The following PCDHGA4 variants were observed in gnomAD, a reference collection of about 807,000 sequenced individuals.
The protein encoded by PCDHGA4 is protocadherin gamma-A4.
A neutral mutation model predicts 54.6 loss-of-function variants in PCDHGA4; 38 were observed. The ratio of observed to expected loss-of-function variants is 0.70; its 90% CI spans 0.54 to 0.91. The LOEUF is 0.91. Ranked by LOEUF, PCDHGA4 falls within the 40% of genes least tolerant of loss-of-function variation. The probability of loss-of-function intolerance (pLI) is 0.00; values close to 1 mark genes in which losing one functional copy is unlikely to be tolerated. For synonymous variants in PCDHGA4, 511 were observed against 512.9 expected, an observed-to-expected ratio of 1.00 and a Z score of 0.05; for missense variants, 1,298 against 1,220.9, an observed-to-expected ratio of 1.06 and a Z score of -0.94.
intron 1 of PCDHGA4, chr5:141,392,285 A>G (rs554377698): frequency 6.6e-6 from 1 of 152,312 alleles, no homozygotes; most frequent in East Asian, 1.9e-4. Flanking sequence ...TTAGAGCACA[A>G]TGGGAAATGA....
intron 1 of PCDHGA4, chr5:141,394,811 C>G (rs1225635250): frequency 7.4e-6 from 12 of 1,613,770 alleles, no homozygotes; most frequent in Non-Finnish European, 1.0e-5. Flanking sequence ...CCGTGGCTGA[C>G]AGCATCCCCG....
chr5:141,393,774 G>A (rs767667499), intron 1 of PCDHGA4: 9 of 1,613,824 alleles, frequency 5.6e-6, no homozygotes, highest in Non-Finnish European at 7.6e-6. Context: ...GGAAATACAA[G>A]CCGAAGATGT....
chr5:141,467,296 A>G lies in PCDHGA4; in HGVS notation c.2515-27511A>G, dbSNP rs1032802325. Among the ~76,000 whole-genome samples the G allele has an allele frequency of 6.6e-5, 10 of 151,858 alleles. No individual in the cohort carries two copies. The East Asian group carries it at 9.7e-4, about 15-fold the overall frequency. On this transcript the variant is annotated intron_variant, in intron 1 of 3. Transcript: ENST00000571252. The stretch of plus-strand genomic sequence containing the variant: ...TCGAACTCTTGACCTCAAGTGATCC[A>G]CTCACCTCGGCCTCCCACAGTGCTG...
intron 1 of PCDHGA4, among the ~76,000 whole-genome samples, chr5:141,483,057 C>T (rs1329609397): frequency 6.6e-6 from 1 of 152,028 alleles, no homozygotes; most frequent in African/African-American, 2.4e-5. Flanking sequence ...TGCACTCCAG[C>T]ATGGGCAACA....
chr5:141,405,176 G>A (rs917679696), intron 1 of PCDHGA4: 3 of 1,614,068 alleles, frequency 1.9e-6, no homozygotes, highest in Non-Finnish European at 2.5e-6. Context: ...ACACTTTGTG[G>A]GTGTAGATGG....
intron 1 of PCDHGA4, among the ~76,000 whole-genome samples, chr5:141,434,490 G>A (rs566645029): frequency 2.5e-4 from 38 of 152,274 alleles, no homozygotes; most frequent in Non-Finnish European, 4.9e-4. Flanking sequence ...CACCTGGCCC[G>A]CCCAGGGCAG....
rs1414795207 is a variant in PCDHGA4 at position 141,393,033 on chromosome 5, C to T, written c.2514+35412C>T. On this transcript the variant is annotated intron_variant, in intron 1 of 3. Transcript: ENST00000571252. ...TATCGTCTCCAGAGGTAGGACGCAG[C>T]TCTTTGCTCTGAACCCGCGCAGCGG... is the stretch of plus-strand genomic sequence containing the variant. 4.3e-6 allele frequency: 7 copies of T among 1,613,782 alleles called. No individual in the cohort carries two copies. The highest frequency in any genetic ancestry group is 4.0e-5 in the African/African-American group (3 of 75,052).
chr5:141,378,596 C>T (rs866872764), intron 1 of PCDHGA4: 2 of 152,150 alleles, frequency 1.3e-5, no homozygotes, highest in Non-Finnish European at 2.9e-5. Context: ...TGTCTGCTTA[C>T]AGGACATATC....
chr5:141,376,269 G>A, intron 1 of PCDHGA4: 2 of 1,614,224 alleles, frequency 1.2e-6, no homozygotes, highest in South Asian at 1.1e-5. Context: ...CAGGCTTCGG[G>A]AGGTGGCTTA....
rs1025148587 is a variant in PCDHGA4 at position 141,431,434 on chromosome 5, C to A, written c.2515-63373C>A. ...GGGGCGACCCGGTGCGCACAGGCAC[C>A]GCGCGCATCCGCGTGATGGTTCTGG... On this transcript the variant is annotated intron_variant, in intron 1 of 3. Transcript: ENST00000571252. This position sits in a 1 kb window ranked among gnomAD's most constrained non-coding sequence, Gnocchi z 4.8. 1.2e-6 allele frequency: 2 copies of A among 1,613,690 alleles called. No homozygotes were observed. Among genetic ancestry groups the A allele is most frequent in the Admixed American group, 1.7e-5 (1 of 60,014 alleles).
chr5:141,490,910 A>G lies in PCDHGA4; in HGVS notation c.2515-3897A>G. The G allele has an allele frequency of 1.2e-6, 2 of 1,613,652 alleles. No individual in the cohort carries two copies. Among genetic ancestry groups the G allele is most frequent in the African/African-American group, 1.3e-5 (1 of 75,048 alleles). ...TCTCTGCATGTGTTTGTCCTAGACG[A>G]GAATGATAATGCCCCAGCTGTGCTG... On this transcript the variant is annotated intron_variant, in intron 1 of 3. Transcript: ENST00000571252. This position sits in a 1 kb window ranked among gnomAD's most constrained non-coding sequence, Gnocchi z 5.4.
At chr5:141,409,920 C>T (rs759433257) in intron 1 of PCDHGA4, 2 of 1,613,400 alleles carry the variant, frequency 1.2e-6, no homozygotes, top group Non-Finnish European at 1.7e-6. Flanking sequence ...GACGGCTCCG[C>T]GTTCTTCGAT....
rs537619617 is a variant in PCDHGA4 at position 141,483,429 on chromosome 5, C to G, written c.2515-11378C>G. On this transcript the variant is annotated intron_variant, in intron 1 of 3. Coordinates refer to ENST00000571252, the MANE Select transcript of PCDHGA4 (RefSeq NM_018917.4). ...ACAGTGGCAGTACAGATGGAGGGAGCTGACTACAATAAAATCATCAGGACT... is the reference window on the plus strand; with the variant it reads ...ACAGTGGCAGTACAGATGGAGGGAGGTGACTACAATAAAATCATCAGGACT... Among the ~76,000 whole-genome samples the G allele has an allele frequency of 5.3e-5, 8 of 152,158 alleles. No individual in the cohort carries two copies. In the East Asian group the frequency reaches 1.5e-3, roughly 29 times the overall value.
At chr5:141,428,185 G>A (rs775261215) in intron 1 of PCDHGA4, 1 of 1,446,348 alleles carries the variant, frequency 6.9e-7, no homozygotes, top group Admixed American at 1.8e-5. Context: ...GAGGACAGCC[G>A]CCGCTCTCTG....
intron 2 of PCDHGA4, among the ~76,000 whole-genome samples, chr5:141,500,182 A>T (rs1050067271): frequency 4.6e-5 from 6 of 131,718 alleles, no homozygotes; most frequent in African/African-American, 1.9e-4. Context: ...CTTCATTTTT[A>T]TTTTTATTTA....
rs1272694679 is a variant in PCDHGA4, at chr5:141,486,884, C to T, written c.2515-7923C>T. 7 of 1,614,106 alleles carry T rather than the reference C, an allele frequency of 4.3e-6. No individual in the cohort carries two copies. The highest frequency in any genetic ancestry group is 1.1e-5 in the South Asian group (1 of 91,082). ...TCCAGCTGTGCTCCGTCCTCGGGCC[C>T]GGCCTGGTTCCTTATGTCCCCAAGC... On this transcript the variant is annotated intron_variant, in intron 1 of 3. Coordinates refer to ENST00000571252, the MANE Select transcript of PCDHGA4 (RefSeq NM_018917.4). The surrounding 1 kb of genome is among the most constrained non-coding windows in gnomAD (Gnocchi z 5.0).
intron 3 of PCDHGA4, among the ~76,000 whole-genome samples, chr5:141,506,012 T>C (rs2099850012): frequency 6.6e-6 from 1 of 152,208 alleles, no homozygotes; most frequent in Non-Finnish European, 1.5e-5. Context: ...CCTCTTTTGC[T>C]GCCCCTAACT....
At chr5:141,375,216 T>G in intron 1 of PCDHGA4, 1 of 1,614,014 alleles carries the variant, frequency 6.2e-7, no homozygotes, top group Non-Finnish European at 8.5e-7. Flanking sequence ...GACTCTGGCC[T>G]GAATGGCCTG....
At chr5:141,364,582 G>A (rs1379738059) in intron 1 of PCDHGA4, 1 of 1,614,206 alleles carries the variant, frequency 6.2e-7, no homozygotes, top group Non-Finnish European at 8.5e-7. Flanking sequence ...GCGGCAGCTT[G>A]GTCACCGCGG....
Sources: allele counts gnomAD v4.1 joint callset (sites outside exome capture counted in the v4.1 genomes callset), GRCh38; gene constraint gnomAD v4.1.1; non-coding constraint Gnocchi (gnomAD v3.1); transcripts MANE v1.5; gene names NCBI Gene and HGNC (gene_info 2026-07-23, HGNC 2026-07-21).